The following UBE2E2 variants were observed in gnomAD, a reference collection of about 807,000 sequenced individuals.
UBE2E2 encodes ubiquitin-conjugating enzyme E2 E2.
Under a neutral mutation model 24.7 loss-of-function variants are expected in UBE2E2, and 6 were observed. The observed-to-expected ratio is 0.24, with a 90% CI of 0.13 to 0.48. The LOEUF is 0.48. Among genes scored for constraint, UBE2E2 ranks in the 20% least tolerant of loss-of-function variants. UBE2E2 has a pLI of 0.99. For synonymous variants in UBE2E2, 104 were observed against 83.6 expected (o/e 1.24, Z -1.33); for missense variants, 169 against 245.0 (o/e 0.69, Z 2.07).
intron 2 of UBE2E2, among the ~76,000 whole-genome samples, chr3:23,209,627 C>T (rs942578381): frequency 7.2e-5 from 11 of 152,164 alleles, no homozygotes; most frequent in Non-Finnish European, 1.5e-4. Flanking sequence ...TACATAAAAG[C>T]GATCTGTAAC....
intron 3 of UBE2E2, among the ~76,000 whole-genome samples, chr3:23,347,742 A>G (rs528609773): frequency 1.3e-5 from 2 of 152,284 alleles, no homozygotes; most frequent in East Asian, 1.9e-4. Context: ...TTTATCAGCT[A>G]CAAAAGGGGA....
intron 3 of UBE2E2, among the ~76,000 whole-genome samples, chr3:23,279,419 A>C (rs1352633832): frequency 6.6e-6 from 1 of 152,216 alleles, no homozygotes; most frequent in Non-Finnish European, 1.5e-5. Context: ...TCTGTCTTAC[A>C]TATTCATCAG....
chr3:23,490,561 A>C (rs974132389), intron 3 of UBE2E2, among the ~76,000 whole-genome samples: 3 of 152,166 alleles, frequency 2.0e-5, no homozygotes, highest in African/African-American at 7.2e-5. Flanking sequence ...GTATCCACAC[A>C]TTGGGAAAAT....
At chr3:23,213,992 G>C (rs1478429521) in intron 2 of UBE2E2, among the ~76,000 whole-genome samples, 1 of 152,106 alleles carries the variant, frequency 6.6e-6, no homozygotes, top group Admixed American at 6.5e-5. Flanking sequence ...CACAACTTTT[G>C]AGATAGAATT....
intron 3 of UBE2E2, among the ~76,000 whole-genome samples, chr3:23,289,519 G>A (rs1050229374): frequency 7.2e-5 from 11 of 152,136 alleles, no homozygotes; most frequent in Non-Finnish European, 1.3e-4. Flanking sequence ...CAAATGTGAT[G>A]GATGAATAGG....
rs138752551 is a variant in UBE2E2, at chr3:23,389,760, G to T, written c.228-109848G>T. The T allele has an allele frequency of 1.0e-4, 18 of 173,890 alleles. No individual in the cohort carries two copies. The South Asian group carries it at 3.1e-3, about 30-fold the overall frequency. 10.8% of individuals were successfully genotyped at this position (173,890 alleles called of 1,614,324 possible). A position where few individuals can be genotyped will look rare whatever the true frequency, so the allele number is the denominator to read the frequency against. On this transcript the variant is annotated intron_variant, in intron 3 of 5. Transcript: ENST00000396703. ...GAGGGGTTTTCTGTGCTTCTTCCCC[G>T]ATAGAGTAATGTTGGTAGGTGCACT...
At chr3:23,222,111 T>A (rs898244380) in intron 3 of UBE2E2, among the ~76,000 whole-genome samples, 4 of 152,218 alleles carry the variant, frequency 2.6e-5, no homozygotes, top group Non-Finnish European at 5.9e-5. Context: ...TTTGTCATTC[T>A]CTGCTGGGCT....
chr3:23,295,969 T>C lies in UBE2E2; in HGVS notation c.227+78657T>C, dbSNP rs186632505. Among the ~76,000 whole-genome samples, 3 of 152,330 alleles carry C rather than the reference T, an allele frequency of 2.0e-5. No individual in the cohort carries two copies. In the East Asian group the frequency reaches 5.8e-4, roughly 29 times the overall value. ...ATTGAAATCTAAATAAACATGACCA[T>C]AGGCCTCTAATATGTGGCCTCTGCT... is the stretch of plus-strand genomic sequence containing the variant. On this transcript the variant is annotated intron_variant, in intron 3 of 5. Transcript: ENST00000396703.
chr3:23,556,454 T>TAAAAAAAAAAAAAA (rs5847239), intron 5 of UBE2E2, among the ~76,000 whole-genome samples: 2 of 94,340 alleles, frequency 2.1e-5, no homozygotes, highest in African/African-American at 9.0e-5. Flanking sequence ...AAAATTTATT[T>TAAAAAAAAAAAAAA]AAAAAAAAAA....
At chr3:23,442,884 G>A (rs1407136779) in intron 3 of UBE2E2, among the ~76,000 whole-genome samples, 1 of 152,078 alleles carries the variant, frequency 6.6e-6, no homozygotes, top group Non-Finnish European at 1.5e-5. Context: ...TACTTTGTTT[G>A]CAGTATGTAT....
At chr3:23,259,569 A>G (rs1697839851) in intron 3 of UBE2E2, among the ~76,000 whole-genome samples, 1 of 100,150 alleles carries the variant, frequency 1.0e-5, no homozygotes, top group Admixed American at 8.6e-5. Flanking sequence ...GTATCCTGGA[A>G]CTTTAAAAAA....
intron 3 of UBE2E2, among the ~76,000 whole-genome samples, chr3:23,413,772 A>T (rs1384833482): frequency 6.6e-6 from 1 of 152,152 alleles, no homozygotes; most frequent in Non-Finnish European, 1.5e-5. Flanking sequence ...TAAGCTCTAT[A>T]AGGTCAGGGA....
At chr3:23,271,090 G>T (rs928968001) in intron 3 of UBE2E2, 2 of 451,356 alleles carry the variant, frequency 4.4e-6, no homozygotes, top group African/African-American at 2.0e-5. Flanking sequence ...GATGATAGCA[G>T]TAATGAAGAG....
At chr3:23,525,867 T>A (rs1694984771) in intron 4 of UBE2E2, among the ~76,000 whole-genome samples, 1 of 152,200 alleles carries the variant, frequency 6.6e-6, no homozygotes, top group African/African-American at 2.4e-5. Context: ...GAAGACTTCT[T>A]TTCTCAGCCT....
chr3:23,302,432 A>T (rs896530998), intron 3 of UBE2E2, among the ~76,000 whole-genome samples: 6 of 152,228 alleles, frequency 3.9e-5, no homozygotes, highest in African/African-American at 1.4e-4. Flanking sequence ...TCATTTTTTT[A>T]TTCCTTTGGC....
intron 4 of UBE2E2, among the ~76,000 whole-genome samples, chr3:23,503,873 T>A (rs1050365221): frequency 1.2e-4 from 18 of 150,818 alleles, no homozygotes; most frequent in African/African-American, 4.4e-4. Flanking sequence ...AATAAATAAG[T>A]AAAATTACTC....
chr3:23,432,508 A>G (rs1166292773), intron 3 of UBE2E2, among the ~76,000 whole-genome samples: 5 of 152,044 alleles, frequency 3.3e-5, no homozygotes, highest in Admixed American at 6.5e-5. Flanking sequence ...ATGTAAGTGC[A>G]TATATCAACA....
intron 5 of UBE2E2, among the ~76,000 whole-genome samples, chr3:23,572,789 T>C (rs1194109995): frequency 6.6e-6 from 1 of 152,236 alleles, no homozygotes; most frequent in Non-Finnish European, 1.5e-5. Flanking sequence ...CCACTGTTGA[T>C]GGGCACCTAG....
At chr3:23,404,116 A>C (rs1697296631) in intron 3 of UBE2E2, among the ~76,000 whole-genome samples, 1 of 152,154 alleles carries the variant, frequency 6.6e-6, no homozygotes, top group South Asian at 2.1e-4. Flanking sequence ...TTGCTTTCTA[A>C]GAGAAGGGTT....
Sources: allele counts gnomAD v4.1 joint callset (sites outside exome capture counted in the v4.1 genomes callset), GRCh38; gene constraint gnomAD v4.1.1; transcripts MANE v1.5; gene names NCBI Gene and HGNC (gene_info 2026-07-23, HGNC 2026-07-21).